The following SEMA6D variants were observed in gnomAD, a reference collection of about 807,000 sequenced individuals.
SEMA6D encodes semaphorin 6D, also known as semaphorin-6D.
SEMA6D carries 35 observed loss-of-function variants against 106.6 expected under a neutral mutation model. The observed-to-expected ratio is 0.33, with a 90% CI of 0.25 to 0.44. The LOEUF is 0.44. Among genes scored for constraint, SEMA6D ranks in the 20% least tolerant of loss-of-function variants. The probability of loss-of-function intolerance (pLI) is 1.00; values close to 1 mark genes in which losing one functional copy is unlikely to be tolerated. For missense variants in SEMA6D, 1,185 were observed against 1,345.9 expected (o/e 0.88, Z 1.87); for synonymous variants, 499 against 487.7 (o/e 1.02, Z -0.31).
intron 3 of SEMA6D, among the ~76,000 whole-genome samples, chr15:47,522,546 CA>C (rs2044620483): frequency 1.3e-5 from 2 of 152,180 alleles, no homozygotes; most frequent in Non-Finnish European, 2.9e-5. Context: ...GGTAAGTAAG[CA>C]TCCTTTCAAG....
In SEMA6D at chr15:47,705,708, C is replaced by T. The variant is rs138346805; in HGVS notation, c.-54-54037C>T. Among the ~76,000 whole-genome samples, 9 of 152,224 alleles carry T rather than the reference C, an allele frequency of 5.9e-5. No individual in the cohort carries two copies. The East Asian group carries it at 1.6e-3, about 26-fold the overall frequency. On this transcript the variant is annotated intron_variant, in intron 4 of 19. Transcript: ENST00000558014. Reference sequence around the variant, plus strand: ...TCTGAAGTACAGGAATACCTAAGACCAGTTCCCCAGGAAATTCCTGGGTTC... The same window carrying T: ...TCTGAAGTACAGGAATACCTAAGACTAGTTCCCCAGGAAATTCCTGGGTTC...
intron 1 of SEMA6D, among the ~76,000 whole-genome samples, chr15:47,311,872 C>T (rs967623079): frequency 4.6e-5 from 7 of 152,082 alleles, no homozygotes; most frequent in Non-Finnish European, 5.9e-5. Context: ...GGAGGCAGTT[C>T]CTGGCAATTG....
In SEMA6D at chr15:47,771,812, C is replaced by T; in HGVS notation, c.*27C>T. The T allele has an allele frequency of 6.3e-7, 1 of 1,586,564 alleles. No individual in the cohort carries two copies. Among genetic ancestry groups the T allele is most frequent in the Non-Finnish European group, 8.6e-7 (1 of 1,162,298 alleles). On this transcript the variant is annotated 3_prime_UTR_variant, in exon 19 of 19. Coordinates refer to ENST00000536845, the MANE Select transcript of SEMA6D (RefSeq NM_001358351.3). ...CCTCAAGTGTGCTATTCCCATGTGG[C>T]TTTATCCTGTCCGTGTTGTTGAGAG...
chr15:47,575,209 AG>A (rs2076135264), intron 3 of SEMA6D, among the ~76,000 whole-genome samples: 1 of 152,210 alleles, frequency 6.6e-6, no homozygotes, highest in Admixed American at 6.5e-5. Flanking sequence ...AATTCTTTTG[AG>A]GTTGCTGAAA....
chr15:47,641,136 A>G (rs1464070364), intron 4 of SEMA6D, among the ~76,000 whole-genome samples: 1 of 152,172 alleles, frequency 6.6e-6, no homozygotes, highest in Non-Finnish European at 1.5e-5. Flanking sequence ...CGCAGTATCC[A>G]TTCCTCTCGC....
At chr15:47,408,320 T>A (rs1286452460) in intron 1 of SEMA6D, among the ~76,000 whole-genome samples, 1 of 152,186 alleles carries the variant, frequency 6.6e-6, no homozygotes, top group Admixed American at 6.5e-5. Context: ...GAGTAGTGTT[T>A]TCAAGACTTA....
chr15:47,521,631 G>A (rs1461161219), intron 3 of SEMA6D, among the ~76,000 whole-genome samples: 1 of 152,200 alleles, frequency 6.6e-6, no homozygotes, highest in Non-Finnish European at 1.5e-5. Context: ...AGAACAGTGG[G>A]CAATAATACA....
chr15:47,506,684 G>GGCAGT (rs1169463358), intron 3 of SEMA6D, among the ~76,000 whole-genome samples: 8 of 151,270 alleles, frequency 5.3e-5, no homozygotes, highest in African/African-American at 1.7e-4. Context: ...ATAAATAAAA[G>GGCAGT]GCAGTGCAGT....
chr15:47,660,438 TA>T (rs1823533599), intron 4 of SEMA6D, among the ~76,000 whole-genome samples: 1 of 152,142 alleles, frequency 6.6e-6, no homozygotes, highest in Admixed American at 6.6e-5. Context: ...GGTATGTATC[TA>T]AGGTTAAAAA....
In SEMA6D at chr15:47,774,121, G is replaced by A. The variant is rs2082742712; in HGVS notation, c.*2336G>A. 1 of 152,538 alleles carries A rather than the reference G, an allele frequency of 6.6e-6. No homozygotes were observed. The highest frequency in any genetic ancestry group is 1.5e-5 in the Non-Finnish European group (1 of 68,024). 9.4% of individuals were successfully genotyped at this position (152,538 alleles called of 1,614,324 possible). ...ACTGTTTTATAGAGTACTTTAACAT[G>A]AATAGATACCTTGTAAACTTGTATT... is the stretch of plus-strand genomic sequence containing the variant. On this transcript the variant is annotated 3_prime_UTR_variant, in exon 19 of 19. Transcript: ENST00000536845.
At chr15:47,542,461 T>C (rs1240435348) in intron 3 of SEMA6D, among the ~76,000 whole-genome samples, 1 of 152,174 alleles carries the variant, frequency 6.6e-6, no homozygotes, top group Non-Finnish European at 1.5e-5. Flanking sequence ...TCTGGCCCTA[T>C]GAAGCTACTT....
intron 1 of SEMA6D, among the ~76,000 whole-genome samples, chr15:47,751,618 A>G (rs763751610): frequency 6.6e-6 from 1 of 152,108 alleles, no homozygotes; most frequent in Non-Finnish European, 1.5e-5. Context: ...GGGAAGTGGA[A>G]GCCCCAGGGG....
chr15:47,382,760 C>T (rs2039687084), intron 1 of SEMA6D, among the ~76,000 whole-genome samples: 1 of 152,132 alleles, frequency 6.6e-6, no homozygotes, highest in South Asian at 2.1e-4. Context: ...GCTTGTTAGT[C>T]CTGTAGTACC....
chr15:47,685,581 G>A (rs1255444469), intron 4 of SEMA6D, among the ~76,000 whole-genome samples: 1 of 152,078 alleles, frequency 6.6e-6, no homozygotes, highest in Non-Finnish European at 1.5e-5. Flanking sequence ...CTGCATTCTG[G>A]GTTAGGGCCA....
At chr15:47,289,460 A>G (rs930403849) in intron 1 of SEMA6D, among the ~76,000 whole-genome samples, 10 of 150,880 alleles carry the variant, frequency 6.6e-5, no homozygotes, top group African/African-American at 2.4e-4. Context: ...GTTTTTCAGT[A>G]TTTATAATCT....
At chr15:47,325,322 C>T (rs1240159120) in intron 1 of SEMA6D, among the ~76,000 whole-genome samples, 2 of 152,046 alleles carry the variant, frequency 1.3e-5, no homozygotes, top group Non-Finnish European at 2.9e-5. Flanking sequence ...TACAGGCGCC[C>T]ACCACCAGGC....
At chr15:47,649,557 G>A (rs1025773004) in intron 4 of SEMA6D, among the ~76,000 whole-genome samples, 2 of 152,314 alleles carry the variant, frequency 1.3e-5, no homozygotes, top group Admixed American at 6.5e-5. Flanking sequence ...CCAGAGGATC[G>A]CTTGAGCCCA....
intron 3 of SEMA6D, among the ~76,000 whole-genome samples, chr15:47,552,815 T>A (rs867908536): frequency 0.017 from 113 of 6,504 alleles, 11 homozygotes; most frequent in African/African-American, 0.049. Flanking sequence ...AAAATATATA[T>A]AAATATATAT....
intron 1 of SEMA6D, among the ~76,000 whole-genome samples, chr15:47,368,504 T>C: frequency 6.6e-6 from 1 of 152,028 alleles, no homozygotes; most frequent in Middle Eastern, 3.2e-3. Context: ...GGAGTCTCGC[T>C]CTGTCGCCCA....
Sources: gnomAD v4.1 joint callset for allele counts (sites outside exome capture counted in the v4.1 genomes callset) on GRCh38, gnomAD v4.1.1 for gene constraint, MANE v1.5 for transcripts, NCBI Gene and HGNC (gene_info 2026-07-23, HGNC 2026-07-21) for gene names.